Variants in SLC4A4 observed in about 807,000 individuals in gnomAD.
The protein encoded by SLC4A4 is solute carrier family 4 member 4, also known as electrogenic sodium bicarbonate cotransporter 1.
In SLC4A4, 27 loss-of-function variants were observed where a neutral mutation model predicts 111.5. The observed-to-expected ratio is 0.24, with a 90% CI of 0.18 to 0.33. The LOEUF (loss-of-function observed/expected upper bound fraction) is 0.33. Ranked by LOEUF, SLC4A4 falls within the 10% of genes least tolerant of loss-of-function variation. SLC4A4 has a pLI of 1.00. For missense variants in SLC4A4, 909 were observed against 1,315.5 expected (o/e 0.69, Z 4.78); for synonymous variants, 443 against 463.4 (o/e 0.96, Z 0.57).
intron 2 of SLC4A4, among the ~76,000 whole-genome samples, chr4:71,096,082 G>A (rs1034303934): frequency 6.6e-6 from 1 of 152,158 alleles, no homozygotes; most frequent in Non-Finnish European, 1.5e-5. Context: ...CATGAGGAAG[G>A]CCGGGAGAGG....
intron 5 of SLC4A4, among the ~76,000 whole-genome samples, chr4:71,353,405 GA>G (rs1294551023): frequency 1.3e-5 from 2 of 152,146 alleles, no homozygotes; most frequent in Admixed American, 1.3e-4. Flanking sequence ...GTAAAACAAA[GA>G]GGAGGAAAAG....
intron 7 of SLC4A4, among the ~76,000 whole-genome samples, chr4:71,417,525 T>A (rs1721932024): frequency 6.6e-6 from 1 of 152,094 alleles, no homozygotes; most frequent in Non-Finnish European, 1.5e-5. Flanking sequence ...AAGAGGAAAA[T>A]AACTTATTAT....
chr4:71,081,760 C>T (rs772278570), intron 1 of SLC4A4, among the ~76,000 whole-genome samples: 11 of 152,046 alleles, frequency 7.2e-5, no homozygotes, highest in Admixed American at 1.3e-4. Flanking sequence ...TTGCTACCAC[C>T]GGCTCCTTCT....
At chr4:71,298,721 G>A (rs995511414) in intron 3 of SLC4A4, among the ~76,000 whole-genome samples, 8 of 152,180 alleles carry the variant, frequency 5.3e-5, no homozygotes, top group Admixed American at 5.2e-4. Context: ...AGGTTAGAAA[G>A]TGTCAATGGG....
At chr4:71,547,744 C>G in intron 20 of SLC4A4, 24 bp downstream of exon 20, 1 of 1,566,954 alleles carries the variant, frequency 6.4e-7, no homozygotes, top group Non-Finnish European at 8.8e-7. Flanking sequence ...ACATTCACCT[C>G]TTCCTTCTCA....
At chr4:71,240,355 G>A (rs1720110180) in intron 2 of SLC4A4, among the ~76,000 whole-genome samples, 1 of 152,178 alleles carries the variant, frequency 6.6e-6, no homozygotes, top group South Asian at 2.1e-4. Flanking sequence ...TGGCAACTCT[G>A]ACTTCATGAG....
chr4:71,436,805 A>G (rs1465828197), intron 7 of SLC4A4, among the ~76,000 whole-genome samples: 1 of 152,220 alleles, frequency 6.6e-6, no homozygotes, highest in Non-Finnish European at 1.5e-5. Flanking sequence ...TCCAGAATTC[A>G]GTAATAAATC....
intron 2 of SLC4A4, among the ~76,000 whole-genome samples, chr4:71,174,651 T>C (rs924622824): frequency 6.6e-6 from 1 of 152,224 alleles, no homozygotes; most frequent in African/African-American, 2.4e-5. Flanking sequence ...CAGAAAGAGA[T>C]ATTTTTTACT....
intron 7 of SLC4A4, among the ~76,000 whole-genome samples, chr4:71,419,318 C>A (rs926316506): frequency 1.3e-5 from 2 of 152,240 alleles, no homozygotes; most frequent in African/African-American, 4.8e-5. Context: ...CAGAGGCAGG[C>A]AGGCCTCCTT....
chr4:71,268,473 G>A (rs759786530), intron 3 of SLC4A4, among the ~76,000 whole-genome samples: 6 of 152,118 alleles, frequency 3.9e-5, no homozygotes, highest in African/African-American at 1.4e-4. Flanking sequence ...TGTTTATGGC[G>A]ATTTATACTT....
chr4:71,453,695 A>C, intron 12 of SLC4A4, 26 bp downstream of exon 12: 1 of 1,612,390 alleles, frequency 6.2e-7, no homozygotes, highest in Non-Finnish European at 8.5e-7. Flanking sequence ...AGGAGGACAC[A>C]AATAGTACAG....
chr4:71,397,850 C>A (rs1204166080), intron 7 of SLC4A4, among the ~76,000 whole-genome samples, 197 bp downstream of exon 7: 5 of 152,190 alleles, frequency 3.3e-5, no homozygotes, highest in Admixed American at 1.3e-4. Context: ...GCGTTTACTT[C>A]AGCTGTTGCA....
chr4:71,085,192 A>G (rs1177379075), intron 1 of SLC4A4, among the ~76,000 whole-genome samples: 1 of 152,130 alleles, frequency 6.6e-6, no homozygotes, highest in East Asian at 1.9e-4. Context: ...TTTTGGCTGC[A>G]TAAATGTCTT....
chr4:71,508,954 C>A (rs149853038), intron 16 of SLC4A4, among the ~76,000 whole-genome samples: 1 of 152,126 alleles, frequency 6.6e-6, no homozygotes, highest in African/African-American at 2.4e-5. Flanking sequence ...TCAACATATA[C>A]AAATCAAGAA....
intron 7 of SLC4A4, among the ~76,000 whole-genome samples, chr4:71,433,870 G>A (rs2149045399): frequency 6.6e-6 from 1 of 152,126 alleles, no homozygotes; most frequent in African/African-American, 2.4e-5. Context: ...ATAAGTTGTG[G>A]TATATTTATA....
intron 1 of SLC4A4, among the ~76,000 whole-genome samples, chr4:71,213,969 C>T (rs1344309233): frequency 6.6e-6 from 1 of 152,100 alleles, no homozygotes; most frequent in Non-Finnish European, 1.5e-5. Flanking sequence ...TTATAGCAGC[C>T]TGAGCTGACA....
intron 1 of SLC4A4, among the ~76,000 whole-genome samples, chr4:71,069,402 A>G (rs1356563202): frequency 6.6e-6 from 1 of 152,186 alleles, no homozygotes; most frequent in East Asian, 1.9e-4. Flanking sequence ...ACAAAACCAA[A>G]CAGACTTGAA....
chr4:71,241,790 CT>C (rs1707757927), intron 2 of SLC4A4, among the ~76,000 whole-genome samples: 1 of 152,184 alleles, frequency 6.6e-6, no homozygotes. Flanking sequence ...CATTGGCCCA[CT>C]TTAAAGAAAT....
rs201589648 is a variant in SLC4A4, at chr4:71,121,285, G to A, written c.-2+28493G>A. On this transcript the variant is annotated intron_variant, in intron 2 of 26. Transcript: ENST00000649996. Reference sequence around the variant, plus strand: ...CCCAATGGGCACTGCCCCCTGCTCCGTGGCGCCCGGTCTCATCGACTGCCC... The same window carrying A: ...CCCAATGGGCACTGCCCCCTGCTCCATGGCGCCCGGTCTCATCGACTGCCC... Among the ~76,000 whole-genome samples the A allele has an allele frequency of 2.0e-4, 30 of 151,552 alleles. 1 individual carries two copies. The East Asian group carries it at 4.3e-3, about 22-fold the overall frequency.
Sources: allele counts gnomAD v4.1 joint callset (sites outside exome capture counted in the v4.1 genomes callset), GRCh38; gene constraint gnomAD v4.1.1; transcripts MANE v1.5; gene names NCBI Gene and HGNC (gene_info 2026-07-23, HGNC 2026-07-21).